TENM1: variants seen among roughly 807,000 people sequenced by gnomAD.
The protein encoded by TENM1 is teneurin transmembrane protein 1.
Under a neutral mutation model 174.8 loss-of-function variants are expected in TENM1, and 35 were observed. That is an observed-to-expected ratio of 0.20 (90% CI 0.15 to 0.27). TENM1 has a LOEUF of 0.27. Among genes scored for constraint, TENM1 ranks in the 10% least tolerant of loss-of-function variants. The pLI, the probability that TENM1 is intolerant of heterozygous loss-of-function variation, is 1.00. For missense variants in TENM1, 1,633 were observed against 2,130.1 expected (o/e 0.77, Z 4.59); for synonymous variants, 781 against 798.7 (o/e 0.98, Z 0.37).
At chrX:125,104,006 G>T in the TENM1 span, among the ~76,000 whole-genome samples, 2 of 111,400 alleles carry the variant, frequency 1.8e-5, no homozygotes, top group East Asian at 2.8e-4. Flanking sequence ...AAAAATAAAA[G>T]ACTTAACTAC....
chrX:124,775,303 C>CAA (rs35934307), intron 3 of TENM1, among the ~76,000 whole-genome samples: 97 of 50,256 alleles, frequency 1.9e-3, no homozygotes, highest in African/African-American at 3.8e-3. Context: ...AAGACTCCGT[C>CAA]AAAAAAAAAA....
chrX:125,157,122 G>C, the TENM1 span, among the ~76,000 whole-genome samples: 1 of 112,189 alleles, frequency 8.9e-6, no homozygotes, highest in Non-Finnish European at 1.9e-5. Context: ...CTGACCAATT[G>C]CACCAGAATC....
At chrX:125,130,415 C>T in the TENM1 span, among the ~76,000 whole-genome samples, 1 of 110,684 alleles carries the variant, frequency 9.0e-6, no homozygotes, top group African/African-American at 3.3e-5. Flanking sequence ...TGACAAGGTT[C>T]ATTATCTTGA....
chrX:124,404,610 T>C (rs1279401431), intron 27 of TENM1, among the ~76,000 whole-genome samples: 1 of 111,193 alleles, frequency 9.0e-6, no homozygotes, highest in Non-Finnish European at 1.9e-5. Flanking sequence ...CATCCTTTTG[T>C]GTGTACCTGC....
chrX:124,994,141 TCTA>T, the TENM1 span, among the ~76,000 whole-genome samples: 1 of 108,541 alleles, frequency 9.2e-6, no homozygotes, highest in Non-Finnish European at 1.9e-5. Flanking sequence ...CCCCCTCAAG[TCTA>T]CTATATCAAC....
the TENM1 span, among the ~76,000 whole-genome samples, chrX:125,095,019 G>C: frequency 8.9e-6 from 1 of 111,751 alleles, no homozygotes; most frequent in Non-Finnish European, 1.9e-5. Context: ...TATGAGGTAG[G>C]TATCCATCAT....
chrX:124,638,300 A>G (rs1203369850), intron 11 of TENM1, among the ~76,000 whole-genome samples: 2 of 111,326 alleles, frequency 1.8e-5, no homozygotes, highest in Non-Finnish European at 3.8e-5. Context: ...ATGGGCAGGG[A>G]AAGAGAAACT....
At chrX:124,719,837 A>C (rs1483149803) in intron 4 of TENM1, among the ~76,000 whole-genome samples, 3 of 112,398 alleles carry the variant, frequency 2.7e-5, no homozygotes, top group Non-Finnish European at 5.6e-5. Flanking sequence ...ATCATTGCCT[A>C]TCCTTAGAAA....
intron 11 of TENM1, among the ~76,000 whole-genome samples, chrX:124,630,843 C>T (rs1358736462): frequency 8.9e-6 from 1 of 111,992 alleles, no homozygotes; most frequent in African/African-American, 3.3e-5. Context: ...AATATCAAGC[C>T]TCCTCTGAGA....
chrX:125,186,618 C>T, the TENM1 span, among the ~76,000 whole-genome samples: 15 of 109,124 alleles, frequency 1.4e-4, no homozygotes, highest in African/African-American at 5.0e-4. Context: ...CTCTCTCTCT[C>T]TCATCATTTA....
intron 6 of TENM1, among the ~76,000 whole-genome samples, chrX:124,669,647 G>A (rs1233340516): frequency 9.0e-6 from 1 of 111,121 alleles, no homozygotes; most frequent in Non-Finnish European, 1.9e-5. Flanking sequence ...TATAGTTAAG[G>A]TTTTGTTCAG....
intron 1 of TENM1, among the ~76,000 whole-genome samples, chrX:124,937,919 C>A (rs1464827858): frequency 8.9e-6 from 1 of 111,840 alleles, no homozygotes; most frequent in Non-Finnish European, 1.9e-5. Flanking sequence ...TTTATAGCTT[C>A]TATTAATCTT....
At chrX:124,495,265 G>A (rs1468594325) in intron 20 of TENM1, among the ~76,000 whole-genome samples, 1 of 106,270 alleles carries the variant, frequency 9.4e-6, no homozygotes, top group East Asian at 3.0e-4. Context: ...GATGGCCAGT[G>A]ATGGTGAGCA....
exon 30 of TENM1, chrX:124,384,618 G>A: frequency 8.3e-7 from 1 of 1,210,552 alleles, no homozygotes; most frequent in Non-Finnish European, 1.1e-6. Flanking sequence ...ATTTTGGTGT[G>A]TTTCATCACT....
intron 4 of TENM1, among the ~76,000 whole-genome samples, chrX:124,719,260 T>C (rs1313774628): frequency 9.1e-6 from 1 of 110,146 alleles, no homozygotes; most frequent in Non-Finnish European, 1.9e-5. Flanking sequence ...ATTGGTCTAT[T>C]ATCCAAACAA....
At chrX:124,530,945 AC>A (rs2048092027) in intron 15 of TENM1, among the ~76,000 whole-genome samples, 1 of 110,968 alleles carries the variant, frequency 9.0e-6, no homozygotes, top group Non-Finnish European at 1.9e-5. Flanking sequence ...GTGCCCTGGG[AC>A]AAATCCCAAG....
At chrX:124,803,679 C>A (rs1352679414) in intron 3 of TENM1, among the ~76,000 whole-genome samples, 1 of 112,395 alleles carries the variant, frequency 8.9e-6, no homozygotes, top group Non-Finnish European at 1.9e-5. Flanking sequence ...GGGGCAGAGA[C>A]CATGTCTGCC....
the TENM1 span, among the ~76,000 whole-genome samples, chrX:125,196,181 T>A: frequency 9.0e-6 from 1 of 111,453 alleles, no homozygotes; most frequent in Admixed American, 9.5e-5. Flanking sequence ...ATTAGTGAAA[T>A]TAATACTATC....
rs1438862548 is a variant in TENM1, at chrX:124,523,469, G to A, written c.2928C>T (p.Cys976=). 7.4e-6 allele frequency: 9 copies of A among 1,209,455 alleles called. No homozygotes were observed. In the South Asian group the frequency reaches 8.8e-5, roughly 12 times the overall value. Residue 976 remains cysteine, a synonymous_variant, in exon 17 of 32, where the codon TGC becomes TGT. Coordinates refer to ENST00000422452, the Ensembl canonical transcript of TENM1. ...TTGGGCTGATAAAGTTGGAGATATC[G>A]CAGGATGGCGGGTCTGATACAACTC...
Sources: allele counts gnomAD v4.1 joint callset (sites outside exome capture counted in the v4.1 genomes callset), GRCh38; gene constraint gnomAD v4.1.1; transcripts MANE v1.5; gene names NCBI Gene and HGNC (gene_info 2026-07-23, HGNC 2026-07-21).